The following OBSL1 variants were observed in gnomAD, a reference collection of about 807,000 sequenced individuals.
The protein encoded by OBSL1 is obscurin like cytoskeletal adaptor 1.
Under a neutral mutation model 172.0 loss-of-function variants are expected in OBSL1, and 160 were observed. The ratio of observed to expected loss-of-function variants is 0.93; its 90% CI spans 0.82 to 1.06. The LOEUF (loss-of-function observed/expected upper bound fraction) is 1.06, where lower values mean the gene tolerates loss of function less well. Ranked by LOEUF, OBSL1 falls within the 50% of genes least tolerant of loss-of-function variation. The probability of loss-of-function intolerance (pLI) is 0.00; values close to 1 mark genes in which losing one functional copy is unlikely to be tolerated. For missense variants in OBSL1, 2,681 were observed against 2,715.4 expected, an observed-to-expected ratio of 0.99 and a Z score of 0.28; for synonymous variants, 1,200 against 1,196.3, an observed-to-expected ratio of 1.00 and a Z score of -0.06.
In OBSL1 at chr2:219,570,529, G is replaced by A; in HGVS notation, c.704C>T (p.Ala235Val). Reference sequence around the variant, plus strand: ...CGGCGCGGGGGCCTCGTCGGGGTCCGCGGGCGGGCTCTCGGGGGGCTGGTG... The same window carrying A: ...CGGCGCGGGGGCCTCGTCGGGGTCCACGGGCGGGCTCTCGGGGGGCTGGTG... The part of the protein sequence containing the change: ...QVHQPPESPP[A>V]DPDEAPAPVV... Residue 235 changes from alanine to valine, a missense_variant, in exon 1 of 21, where the codon GCG becomes GTG. Ala to Val is a moderately conservative substitution (Grantham distance 64). Coordinates refer to ENST00000404537, the MANE Select transcript of OBSL1 (RefSeq NM_015311.3). 6.2e-7 allele frequency: 1 copy of A among 1,609,418 alleles called. No individual in the cohort carries two copies. Among genetic ancestry groups the A allele is most frequent in the Non-Finnish European group, 8.5e-7 (1 of 1,178,410 alleles).
In OBSL1 at chr2:219,571,363, C is replaced by T. The variant is rs974087843; in HGVS notation, c.-131G>A. 3 of 494,418 alleles carry T rather than the reference C, an allele frequency of 6.1e-6. No individual in the cohort carries two copies. Among genetic ancestry groups the T allele is most frequent in the Non-Finnish European group, 9.2e-6 (3 of 325,522 alleles). 30.6% of individuals were successfully genotyped at this position (494,418 alleles called of 1,614,324 possible). A position where few individuals can be genotyped will look rare whatever the true frequency, so the allele number is the denominator to read the frequency against. On this transcript the variant is annotated 5_prime_UTR_variant, in exon 1 of 21. Coordinates refer to ENST00000404537, the MANE Select transcript of OBSL1 (RefSeq NM_015311.3). ...GGCGCGGGGACCCGCGGAGCTCTCC[C>T]GGGCCTCCCGCTCCCGGCTCGCCTC...
At chr2:219,563,220 G>T in intron 7 of OBSL1, 135 bp downstream of exon 7, 1 of 840,476 alleles carries the variant, frequency 1.2e-6, no homozygotes, top group Non-Finnish European at 1.8e-6. Context: ...TGAGGAGAAA[G>T]GGAGGAGGTC....
Position 219,550,834 on chromosome 2 carries a change from C to T in OBSL1, c.*1G>A, listed in dbSNP as rs1395509725. Reference sequence around the variant, plus strand: ...CACCCGCCTGGCCTGGTTAGGTTCTCCTAGTTGCCTGCAGAGGAATGACTC... The same window carrying T: ...CACCCGCCTGGCCTGGTTAGGTTCTTCTAGTTGCCTGCAGAGGAATGACTC... On this transcript the variant is annotated 3_prime_UTR_variant, in exon 21 of 21. Coordinates refer to ENST00000404537, the MANE Select transcript of OBSL1 (RefSeq NM_015311.3). The T allele has an allele frequency of 6.2e-7, 1 of 1,611,600 alleles. No homozygotes were observed. The highest frequency in any genetic ancestry group is 8.5e-7 in the Non-Finnish European group (1 of 1,179,038).
downstream of OBSL1, among the ~76,000 whole-genome samples, chr2:219,548,556 A>G (rs1358070534): frequency 6.6e-6 from 1 of 152,180 alleles, no homozygotes; most frequent in Non-Finnish European, 1.5e-5. Flanking sequence ...AGAGCTAGAG[A>G]AGAGGGAACA....
Position 219,551,512 on chromosome 2 carries a change from C to T in OBSL1, c.5683+17G>A. 6.4e-7 allele frequency: 1 copy of T among 1,565,364 alleles called. No individual in the cohort carries two copies. Among genetic ancestry groups the T allele is most frequent in the Non-Finnish European group, 8.7e-7 (1 of 1,152,800 alleles). On this transcript the variant is annotated intron_variant, in intron 20 of 20. Coordinates refer to ENST00000404537, the MANE Select transcript of OBSL1 (RefSeq NM_015311.3). ...GCGCCCTCACCCTCCTGCCGCTGCC[C>T]AGTTGGCTTTACTCACCCTCTACCA...
chr2:219,551,233 C>T, intron 20 of OBSL1: 1 of 1,394,282 alleles, frequency 7.2e-7, no homozygotes, highest in Non-Finnish European at 9.3e-7. Flanking sequence ...CTGGTAGAAA[C>T]AGGGCTGTTC....
Position 219,570,209 on chromosome 2 carries a change from G to A in OBSL1, c.1012+12C>T. The A allele has an allele frequency of 2.0e-6, 3 of 1,526,226 alleles. No homozygotes were observed. Among genetic ancestry groups the A allele is most frequent in the Non-Finnish European group, 2.6e-6 (3 of 1,136,644 alleles). The allele number at this position is 1,526,226 out of a possible 1,614,324, so 94.5% of individuals were successfully genotyped here. A position where few individuals can be genotyped will look rare whatever the true frequency, so the allele number is the denominator to read the frequency against. The stretch of plus-strand genomic sequence containing the variant: ...CTCGAGGCCCCTCCCTAGGTCCCGG[G>A]CTCCGCCGTACCTTTCACGTGCAGC... On this transcript the variant is annotated intron_variant, in intron 1 of 20. Transcript: ENST00000404537.
Position 219,561,628 on chromosome 2 carries a change from G to C in OBSL1, c.2953+774C>G, listed in dbSNP as rs1023346175. 4 of 425,578 alleles carry C rather than the reference G, an allele frequency of 9.4e-6. No individual in the cohort carries two copies. The Admixed American group carries it at 2.0e-4, about 21-fold the overall frequency. 26.4% of individuals were successfully genotyped at this position (425,578 alleles called of 1,614,324 possible). The stretch of plus-strand genomic sequence containing the variant: ...TGCTGCTGGCTCCCGTGTGTGGAAG[G>C]GTGACTTTCTCCCAGGCCTCCCTGA... On this transcript the variant is annotated intron_variant, in intron 8 of 20. Coordinates refer to ENST00000404537, the MANE Select transcript of OBSL1 (RefSeq NM_015311.3).
At chr2:219,549,344 T>G (rs1235054437), downstream of OBSL1, 1 of 1,612,150 alleles carries the variant, frequency 6.2e-7, no homozygotes, top group Admixed American at 1.7e-5. Context: ...AATGGAGACG[T>G]CCTCTCCCCG....
chr2:219,553,166 G>A (rs757281655), intron 16 of OBSL1, 142 bp from the exon 17 acceptor site: 48 of 1,202,016 alleles, frequency 4.0e-5, no homozygotes, highest in African/African-American at 6.3e-5. Flanking sequence ...GGCTGGGGTC[G>A]GACTGTCCCC....
chr2:219,562,334 T>A, intron 8 of OBSL1, 68 bp downstream of exon 8: 1 of 1,564,412 alleles, frequency 6.4e-7, no homozygotes, highest in East Asian at 2.2e-5. Flanking sequence ...TAGCTGGGGC[T>A]ATGTGGCCAG....
downstream of OBSL1, chr2:219,549,471 A>G: frequency 2.2e-6 from 3 of 1,357,176 alleles, no homozygotes; most frequent in Non-Finnish European, 2.0e-6. Flanking sequence ...TTGTCCATGA[A>G]CTGTTTGTCC....
chr2:219,550,400 G>A, downstream of OBSL1: 1 of 209,298 alleles, frequency 4.8e-6, no homozygotes. Context: ...CCAGCCTGAG[G>A]GCAGTGGCAG....
chr2:219,567,272 C>A lies in OBSL1; in HGVS notation c.1837+1G>T, dbSNP rs755893448. The A allele has an allele frequency of 2.5e-6, 4 of 1,588,620 alleles. No individual in the cohort carries two copies. Among genetic ancestry groups the A allele is most frequent in the Non-Finnish European group, 3.4e-6 (4 of 1,163,032 alleles). ...GGGTGGGTCTGGCAGGACCAACTCA[C>A]CAAGGTGAGCAGAACCGTGGAACAC... On this transcript the variant is annotated splice_donor_variant, in intron 4 of 20. Coordinates refer to ENST00000404537, the MANE Select transcript of OBSL1 (RefSeq NM_015311.3). LOFTEE classifies it high-confidence loss of function.
chr2:219,567,835 G>A lies in OBSL1; in HGVS notation c.1417C>T (p.Gln473Ter), dbSNP rs1697026751. 2 of 1,613,952 alleles carry A rather than the reference G, an allele frequency of 1.2e-6. No homozygotes were observed. The highest frequency in any genetic ancestry group is 2.7e-5 in the African/African-American group (2 of 75,052). The part of the protein sequence containing the change: ...RDGEELPVIC[Q>*]SSSGHMHALV... ...GCATGCATGTGGCCTGAGCTGCTCT[G>A]GCAGATGACCGGCAGCTCCTCCCCA... Residue 473 changes from glutamine to a stop codon, truncating the protein, a stop_gained, in exon 3 of 21, where the codon CAG (glutamine) becomes TAG (stop). Coordinates refer to ENST00000404537, the MANE Select transcript of OBSL1 (RefSeq NM_015311.3). LOFTEE classifies it high-confidence loss of function.
intron 5 of OBSL1, 84 bp from the exon 6 acceptor site, chr2:219,565,598 T>C (rs916597989): frequency 5.0e-6 from 7 of 1,387,716 alleles, no homozygotes; most frequent in Admixed American, 1.9e-5. Context: ...ACAACTGCTG[T>C]TGTTGGGGTT....
At chr2:219,556,948 C>G in intron 12 of OBSL1, 1 of 540,884 alleles carries the variant, frequency 1.8e-6, no homozygotes, top group Non-Finnish European at 3.2e-6. Context: ...ACCTTGGTGG[C>G]ACCCTAATAA....
chr2:219,556,844 CTA>C (rs1696047158), intron 12 of OBSL1, 121 bp from the exon 13 acceptor site: 1 of 1,113,064 alleles, frequency 9.0e-7, no homozygotes, highest in Admixed American at 2.8e-5. Flanking sequence ...TGAGGACCTA[CTA>C]TGTATCGACC....
chr2:219,566,901 T>C lies in OBSL1; in HGVS notation c.2063A>G (p.His688Arg), dbSNP rs1696934208. The change falls in exon 5 of 21, where the codon CAC becomes CGC. Residue 688 changes from histidine to arginine, a missense_variant. Physicochemically the swap from His to Arg is conservative, Grantham distance 29. This residue lies in a region of OBSL1 where 1,765 missense variants were observed against 1,748.3 expected (regional missense o/e 1.01). Coordinates refer to ENST00000404537, the MANE Select transcript of OBSL1 (RefSeq NM_015311.3). ...GCCGACCAGGGCACCGCTGTCCTGG[T>C]GCTTGACGGCATGCAGGATGAGTCT... The part of the protein sequence containing the change: ...QHRLILHAVK[H>R]QDSGALVGFS... 6.2e-7 allele frequency: 1 copy of C among 1,609,952 alleles called. No individual in the cohort carries two copies. Among genetic ancestry groups the C allele is most frequent in the Non-Finnish European group, 8.5e-7 (1 of 1,176,672 alleles).
Sources: gnomAD v4.1 joint callset for allele counts (sites outside exome capture counted in the v4.1 genomes callset) on GRCh38, gnomAD v4.1.1 for gene constraint, gnomAD v4.1.1 regional missense constraint, MANE v1.5 for transcripts, NCBI Gene and HGNC (gene_info 2026-07-23, HGNC 2026-07-21) for gene names.